Variants in KIR2DL1 observed in about 807,000 individuals in gnomAD.
KIR2DL1 encodes the protein killer cell immunoglobulin-like receptor 2DL1.
In KIR2DL1, 38 loss-of-function variants were observed where a neutral mutation model predicts 33.9. The ratio of observed to expected loss-of-function variants is 1.12; its 90% CI spans 0.86 to 1.47. The LOEUF (loss-of-function observed/expected upper bound fraction) is 1.47. KIR2DL1 is among the 40% of genes most tolerant of loss of function. KIR2DL1 has a pLI of 0.00. For missense variants in KIR2DL1, 531 were observed against 433.9 expected (o/e 1.22, Z -1.99); for synonymous variants, 179 against 165.9 (o/e 1.08, Z -0.61).
Position 54,783,717 on chromosome 19 carries a change from C to A in KIR2DL1, c.951C>A (p.Arg317=). 1 of 1,614,032 alleles carries A rather than the reference C, an allele frequency of 6.2e-7. No homozygotes were observed. The highest frequency in any genetic ancestry group is 8.5e-7 in the Non-Finnish European group (1 of 1,179,964). The change falls in exon 8 of 8, where the codon CGC becomes CGA. Residue 317 remains arginine, a synonymous_variant. Transcript: ENST00000336077. The stretch of plus-strand genomic sequence containing the variant: ...TTTTCACACAGAGAAAAATCACTCG[C>A]CCTTCTCAGAGGCCCAAGACACCCC... ...HCVFTQRKIT[R]PSQRPKTPPT... is the part of the protein sequence containing the mutation.
Position 54,783,931 on chromosome 19 carries a change from G to C in KIR2DL1, c.*118G>C, listed in dbSNP as rs1448005096. On this transcript the variant is annotated 3_prime_UTR_variant, in exon 8 of 8. Coordinates refer to ENST00000336077, the MANE Select transcript of KIR2DL1 (RefSeq NM_014218.3). ...TCTGAAGGCGTGAGTCTGCATCTTA[G>C]GGCATCGATCTTCCTCACACCACAA... 1 of 1,427,036 alleles carries C rather than the reference G, an allele frequency of 7.0e-7. No homozygotes were observed. The highest frequency in any genetic ancestry group is 1.7e-5 in the Admixed American group (1 of 58,154). The allele number at this position is 1,427,036 out of a possible 1,614,324, so 88.4% of individuals were successfully genotyped here.
rs1170656557 is a variant in KIR2DL1, at chr19:54,770,850, GTTC to G, written c.42_44del (p.Phe14del). ...ATCCATCATGATCTTTCTTTCCAGG[GTTC>G]TTCTTGCTGCAGGGGGCCTGGCCAC... On this transcript the variant is annotated inframe_deletion and splice_region_variant, in exon 2 of 8. Coordinates refer to ENST00000336077, the MANE Select transcript of KIR2DL1 (RefSeq NM_014218.3). 4 of 1,584,600 alleles carry G rather than the reference GTTC, an allele frequency of 2.5e-6. No homozygotes were observed. The highest frequency in any genetic ancestry group is 3.5e-6 in the Non-Finnish European group (4 of 1,156,658).
At chr19:54,781,665 C>T (rs1317886461) in intron 5 of KIR2DL1, among the ~76,000 whole-genome samples, 3 of 150,194 alleles carry the variant, frequency 2.0e-5, no homozygotes, top group African/African-American at 2.4e-5. Context: ...CCCAGCCTCT[C>T]GGGTAGAACA....
intron 5 of KIR2DL1, chr19:54,780,301 G>T (rs184114765): frequency 2.2e-6 from 1 of 453,408 alleles, no homozygotes; most frequent in Admixed American, 3.8e-5. Flanking sequence ...TGAAAAACAC[G>T]GAATGAACCC....
chr19:54,774,386 G>T (rs111763569), intron 3 of KIR2DL1, among the ~76,000 whole-genome samples: 19,916 of 146,110 alleles, frequency 0.14, 1,584 homozygotes, highest in South Asian at 0.22. Flanking sequence ...GCAGAGAAAA[G>T]CACTAAAATT....
At chr19:54,779,553 A>G (rs1340492523) in intron 5 of KIR2DL1, among the ~76,000 whole-genome samples, 1 of 146,130 alleles carries the variant, frequency 6.8e-6, no homozygotes, top group African/African-American at 2.5e-5. Flanking sequence ...TGGGGATTCT[A>G]TTGGGTTCAC....
chr19:54,782,503 G>A (rs930646916), intron 5 of KIR2DL1, among the ~76,000 whole-genome samples: 2 of 151,954 alleles, frequency 1.3e-5, no homozygotes, highest in South Asian at 2.1e-4. Context: ...AGGGAGCAAG[G>A]GGGAGGGGGA....
At position 54,776,134 on chromosome 19, in the gene KIR2DL1, C is replaced by A. The variant is rs1342934987; in HGVS notation, c.664+676C>A. Among the ~76,000 whole-genome samples the A allele has an allele frequency of 4.8e-5, 7 of 144,642 alleles. 1 individual carries two copies. The highest frequency in any genetic ancestry group is 9.3e-5 in the Non-Finnish European group (6 of 64,682). The allele number at this position is 144,642 out of a possible 152,430, so 94.9% of individuals were successfully genotyped here. ...CTCGAACTCCTGACCACGTGATCCA[C>A]CCGCATCAGCCTCCCAAAGTGCTGG... On this transcript the variant is annotated intron_variant, in intron 4 of 7. Coordinates refer to ENST00000336077, the MANE Select transcript of KIR2DL1 (RefSeq NM_014218.3).
rs1556032222 is a variant in KIR2DL1, at chr19:54,775,179, C to T, written c.385C>T (p.Pro129Ser). 10 of 1,585,044 alleles carry T rather than the reference C, an allele frequency of 6.3e-6. No individual in the cohort carries two copies. In the Admixed American group the frequency reaches 1.4e-4, roughly 22 times the overall value. The change falls in exon 4 of 8, where the codon CCT (proline) becomes TCT (serine). Residue 129 changes from proline (P) to serine (S), a missense_variant. Transcript: ENST00000336077. ...TCTCCTTCCAGGTCTATATGAGAAA[C>T]CTTCTCTCTCAGCCCAGCTGGGCCC... Reference protein sequence around the residue: ...DIVIIGLYEKPSLSAQLGPTV... With the variant: ...DIVIIGLYEKSSLSAQLGPTV...
chr19:54,777,801 C>G (rs1437794208), intron 4 of KIR2DL1, among the ~76,000 whole-genome samples: 2 of 148,728 alleles, frequency 1.3e-5, no homozygotes, highest in Non-Finnish European at 3.0e-5. Context: ...TTCATAGGTT[C>G]AGGCCTTAGA....
chr19:54,771,026 C>T, intron 2 of KIR2DL1, 142 bp downstream of exon 2: 1 of 1,269,988 alleles, frequency 7.9e-7, no homozygotes, highest in East Asian at 2.4e-5. Flanking sequence ...TCTGACCTTG[C>T]CTCCCTGGCC....
intron 2 of KIR2DL1, among the ~76,000 whole-genome samples, chr19:54,772,677 G>A (rs2075877474): frequency 6.9e-6 from 1 of 144,526 alleles, no homozygotes; most frequent in South Asian, 2.2e-4. Context: ...CTTCACTCCA[G>A]CCTGGGCAAA....
intron 2 of KIR2DL1, among the ~76,000 whole-genome samples, chr19:54,772,175 C>A (rs35959464): frequency 0.14 from 20,884 of 145,720 alleles, 1,912 homozygotes; most frequent in South Asian, 0.23. Flanking sequence ...GATGGGGAGA[C>A]AGCCTGGACT....
chr19:54,770,918 C>A lies in KIR2DL1; in HGVS notation c.70+34C>A, dbSNP rs756665514. On this transcript the variant is annotated intron_variant, in intron 2 of 7. Coordinates refer to ENST00000336077, the MANE Select transcript of KIR2DL1 (RefSeq NM_014218.3). ...TTCTCCCAACCTTCGGGTGTCATCT[C>A]CCCACATAAGAGGATTTTCCTGAAA... 6 of 1,577,014 alleles carry A rather than the reference C, an allele frequency of 3.8e-6. No homozygotes were observed. In the Admixed American group the frequency reaches 1.0e-4, roughly 27 times the overall value.
intron 1 of KIR2DL1, 83 bp downstream of exon 1, chr19:54,769,967 A>T (rs1476183108): frequency 5.3e-6 from 8 of 1,516,232 alleles, no homozygotes; most frequent in Admixed American, 3.4e-5. Flanking sequence ...CTGGAGGTGG[A>T]GTTATGGGCC....
At chr19:54,782,790 G>T in intron 5 of KIR2DL1, 132 bp from the exon 6 acceptor site, 2 of 901,228 alleles carry the variant, frequency 2.2e-6, no homozygotes, top group Non-Finnish European at 3.6e-6. Context: ...GAGAAAGCTG[G>T]GTCTCCTGCC....
chr19:54,775,695 G>A lies in KIR2DL1; in HGVS notation c.664+237G>A, dbSNP rs1436149503. Among the ~76,000 whole-genome samples the A allele has an allele frequency of 4.0e-5, 6 of 148,540 alleles. 2 individuals carry two copies. Among genetic ancestry groups the A allele is most frequent in the African/African-American group, 1.5e-4 (6 of 40,742 alleles). On this transcript the variant is annotated intron_variant, in intron 4 of 7. Coordinates refer to ENST00000336077, the MANE Select transcript of KIR2DL1 (RefSeq NM_014218.3). ...CCAGGCAGATGGAGAAAGCGGTCAG[G>A]AGAGACCCAGAGGAGGGAGACTGGG...
At chr19:54,776,413 G>T (rs1381328960) in intron 4 of KIR2DL1, among the ~76,000 whole-genome samples, 2 of 145,824 alleles carry the variant, frequency 1.4e-5, no homozygotes, top group African/African-American at 2.5e-5. Flanking sequence ...CAAATGACAG[G>T]ATGTTATTCT....
intron 4 of KIR2DL1, among the ~76,000 whole-genome samples, chr19:54,776,704 A>C (rs62121647): frequency 1.1e-4 from 15 of 134,888 alleles, no homozygotes; most frequent in African/African-American, 1.7e-4. Flanking sequence ...AAAGTGGTGC[A>C]ACCTTGGCTC....
Sources: allele counts gnomAD v4.1 joint callset (sites outside exome capture counted in the v4.1 genomes callset), GRCh38; gene constraint gnomAD v4.1.1; transcripts MANE v1.5; gene names NCBI Gene and HGNC (gene_info 2026-07-23, HGNC 2026-07-21).